CAMTA1: variants seen among roughly 807,000 people sequenced by gnomAD.
CAMTA1 encodes the protein calmodulin binding transcription activator 1.
A neutral mutation model predicts 170.9 loss-of-function variants in CAMTA1; 27 were observed. The ratio of observed to expected loss-of-function variants is 0.16; its 90% confidence interval spans 0.12 to 0.22. The LOEUF (loss-of-function observed/expected upper bound fraction) is 0.22, where lower values mean the gene tolerates loss of function less well. Among genes scored for constraint, CAMTA1 ranks in the 10% least tolerant of loss-of-function variants. The probability of loss-of-function intolerance (pLI) is 1.00; values close to 1 mark genes in which losing one functional copy is unlikely to be tolerated. For synonymous variants in CAMTA1, 833 were observed against 891.5 expected (o/e 0.93, Z 1.17); for missense variants, 1,619 against 2,217.2 (o/e 0.73, Z 5.42).
At chr1:7,739,223 A>AG (rs2096792671) in intron 16 of CAMTA1, among the ~76,000 whole-genome samples, 1 of 152,132 alleles carries the variant, frequency 6.6e-6, no homozygotes, top group Non-Finnish European at 1.5e-5. Flanking sequence ...GGGAAAAAAA[A>AG]CGACTCAGAA....
intron 6 of CAMTA1, among the ~76,000 whole-genome samples, chr1:7,555,662 T>C (rs2094866035): frequency 6.6e-6 from 1 of 152,044 alleles, no homozygotes; most frequent in Non-Finnish European, 1.5e-5. Flanking sequence ...GGCCCATGGG[T>C]GGCTCTGGTC....
intron 3 of CAMTA1, among the ~76,000 whole-genome samples, chr1:7,022,286 A>G (rs1701464939): frequency 6.6e-6 from 1 of 152,132 alleles, no homozygotes; most frequent in South Asian, 2.1e-4. Flanking sequence ...TGCTGGGGGA[A>G]GGACTCTTTA....
At chr1:7,469,912 C>T (rs998545818) in intron 6 of CAMTA1, among the ~76,000 whole-genome samples, 2 of 152,218 alleles carry the variant, frequency 1.3e-5, no homozygotes, top group South Asian at 2.1e-4. Flanking sequence ...TGCTCTCTGC[C>T]CCAGCCCTCC....
Position 6,996,356 on chromosome 1 carries a change from C to T in CAMTA1, c.235-94948C>T, listed in dbSNP as rs145861679. Among the ~76,000 whole-genome samples, 321 of 152,320 alleles carry T rather than the reference C, an allele frequency of 2.1e-3. 2 individuals are homozygous for T. The highest frequency in any genetic ancestry group is 7.2e-3 in the African/African-American group (299 of 41,576). ...TGAGTTTTTGTTTTAGCAGATACTT[C>T]GCTGAGTTCAAACTATAAACTCTGT... On this transcript the variant is annotated intron_variant, in intron 3 of 22. Coordinates refer to ENST00000303635, the MANE Select transcript of CAMTA1 (RefSeq NM_015215.4).
At position 7,598,261 on chromosome 1, in the gene CAMTA1, G is replaced by A. The variant is rs367824604; in HGVS notation, c.511-42139G>A. Among the ~76,000 whole-genome samples, 6 of 152,216 alleles carry A rather than the reference G, an allele frequency of 3.9e-5. No homozygotes were observed. In the East Asian group the frequency reaches 5.8e-4, roughly 15 times the overall value. ...TCATCCGTGTTCCTACAAAGGACAC[G>A]AACTCATCATTTTTTATGGCTGCAT... is the stretch of plus-strand genomic sequence containing the variant. On this transcript the variant is annotated intron_variant, in intron 6 of 22. Transcript: ENST00000303635.
intron 5 of CAMTA1, among the ~76,000 whole-genome samples, chr1:7,384,125 G>C (rs74967667): frequency 0.014 from 2,077 of 152,326 alleles, 49 homozygotes; most frequent in African/African-American, 0.047. Flanking sequence ...GGCTTCTCTT[G>C]CAGGAAATAC....
At chr1:6,977,211 G>A (rs987837590) in intron 3 of CAMTA1, among the ~76,000 whole-genome samples, 1 of 152,186 alleles carries the variant, frequency 6.6e-6, no homozygotes, top group Non-Finnish European at 1.5e-5. Context: ...AATAAGCTGG[G>A]CAGGCTGGGT....
intron 3 of CAMTA1, among the ~76,000 whole-genome samples, chr1:7,037,656 G>A (rs540562681): frequency 2.0e-5 from 3 of 152,166 alleles, no homozygotes; most frequent in Non-Finnish European, 2.9e-5. Context: ...TGGCTAACAC[G>A]GTGAAACCCT....
At chr1:7,378,779 CGGAGA>C (rs2087041845) in intron 5 of CAMTA1, among the ~76,000 whole-genome samples, 1 of 152,000 alleles carries the variant, frequency 6.6e-6, no homozygotes, top group Non-Finnish European at 1.5e-5. Flanking sequence ...AAAAAAAAAT[CGGAGA>C]CCGAGTCAGA....
chr1:6,998,230 G>A (rs191943438), intron 3 of CAMTA1, among the ~76,000 whole-genome samples: 4 of 151,848 alleles, frequency 2.6e-5, no homozygotes, highest in Admixed American at 6.6e-5. Context: ...GGTGCGTGCC[G>A]CCACATCCAG....
intron 6 of CAMTA1, among the ~76,000 whole-genome samples, chr1:7,572,122 C>T (rs1263643036): frequency 6.6e-6 from 1 of 152,082 alleles, no homozygotes; most frequent in Non-Finnish European, 1.5e-5. Flanking sequence ...GCCTATTGGC[C>T]GCATGTATGT....
At chr1:7,754,158 A>G (rs1177890859) in intron 21 of CAMTA1, among the ~76,000 whole-genome samples, 2 of 152,198 alleles carry the variant, frequency 1.3e-5, no homozygotes, top group African/African-American at 4.8e-5. Flanking sequence ...CCTGAGCAAG[A>G]TCCTATCCAG....
At chr1:7,136,401 C>T (rs994160394) in intron 4 of CAMTA1, among the ~76,000 whole-genome samples, 1 of 152,120 alleles carries the variant, frequency 6.6e-6, no homozygotes, top group Non-Finnish European at 1.5e-5. Flanking sequence ...CTCTTTTACT[C>T]AAGGGCATCA....
rs924934558 is a variant in CAMTA1, at chr1:6,793,845, C to G, written c.45+8270C>G. On this transcript the variant is annotated intron_variant, in intron 1 of 22. Coordinates refer to ENST00000303635, the MANE Select transcript of CAMTA1 (RefSeq NM_015215.4). The stretch of plus-strand genomic sequence containing the variant: ...ATTAATACAATCAAGAATTAATGTT[C>G]TTAAAACTTAAATTTGTTTTTTAAT... Among the ~76,000 whole-genome samples the G allele has an allele frequency of 6.6e-5, 10 of 152,260 alleles. 2 individuals are homozygous for G. The East Asian group carries it at 1.9e-3, about 29-fold the overall frequency.
At chr1:7,035,960 AAAC>A (rs1434270833) in intron 3 of CAMTA1, among the ~76,000 whole-genome samples, 14 of 152,242 alleles carry the variant, frequency 9.2e-5, no homozygotes, top group African/African-American at 2.9e-4. Context: ...GTGGGGAAAA[AAAC>A]AAGTTGCAAA....
intron 12 of CAMTA1, among the ~76,000 whole-genome samples, chr1:7,735,164 GA>G (rs1408286592): frequency 6.6e-6 from 1 of 151,946 alleles, no homozygotes; most frequent in Non-Finnish European, 1.5e-5. Flanking sequence ...TTTCTTTAAG[GA>G]AAAAACAGTC....
At chr1:7,429,172 A>G (rs967359238) in intron 5 of CAMTA1, among the ~76,000 whole-genome samples, 1 of 152,336 alleles carries the variant, frequency 6.6e-6, no homozygotes, top group Admixed American at 6.5e-5. Flanking sequence ...TCCTTGAGTG[A>G]GTTCCTAACC....
chr1:6,926,666 T>C (rs1235641214), intron 3 of CAMTA1, among the ~76,000 whole-genome samples: 1 of 118,360 alleles, frequency 8.4e-6, no homozygotes, highest in East Asian at 2.3e-4. Flanking sequence ...ATTCCCTTCC[T>C]TCCCTTTCAT....
chr1:7,335,026 C>T (rs897977115), intron 5 of CAMTA1, among the ~76,000 whole-genome samples: 1 of 147,728 alleles, frequency 6.8e-6, no homozygotes, highest in Admixed American at 6.8e-5. Context: ...TTAGGACAAA[C>T]CATTTTTTAA....
Sources: gnomAD v4.1 joint callset for allele counts (sites outside exome capture counted in the v4.1 genomes callset) on GRCh38, gnomAD v4.1.1 for gene constraint, MANE v1.5 for transcripts, NCBI Gene and HGNC (gene_info 2026-07-23, HGNC 2026-07-21) for gene names.